Variants in SIRPG observed in about 807,000 individuals in gnomAD.
SIRPG encodes the protein signal-regulatory protein gamma.
In SIRPG, 38 loss-of-function variants were observed where a neutral mutation model predicts 35.7. The observed-to-expected ratio is 1.06, with a 90% CI of 0.82 to 1.40. The LOEUF is 1.40. Among genes scored for constraint, SIRPG ranks in the 40% most tolerant of loss-of-function variants. SIRPG has a pLI of 0.00. For missense variants in SIRPG, 519 were observed against 483.0 expected, an observed-to-expected ratio of 1.07 and a Z score of -0.70; for synonymous variants, 215 against 190.4, an observed-to-expected ratio of 1.13 and a Z score of -1.06.
At chr20:1,656,248 T>G (rs936751697) in intron 1 of SIRPG, among the ~76,000 whole-genome samples, 2 of 152,224 alleles carry the variant, frequency 1.3e-5, no homozygotes, top group African/African-American at 4.8e-5. Context: ...CTGGTCAACC[T>G]GGACTTGATC....
the SIRPG span, among the ~76,000 whole-genome samples, chr20:1,667,056 G>C: frequency 0.63 from 95,360 of 151,920 alleles, 30,453 homozygotes; most frequent in East Asian, 0.86. Flanking sequence ...ATCACCACAC[G>C]TAGTCAATTT....
chr20:1,634,266 GCA>G lies in SIRPG; in HGVS notation c.1081+999_1081+1000del, dbSNP rs2091773875. Among the ~76,000 whole-genome samples the G allele has an allele frequency of 6.0e-5, 9 of 150,258 alleles. No homozygotes were observed. The East Asian group carries it at 1.8e-3, about 30-fold the overall frequency. On this transcript the variant is annotated intron_variant, in intron 4 of 5. Transcript: ENST00000303415. ...CTGTCGCCCAGGCTGGAGTGCAGTG[GCA>G]TGATCTCGGCTCACTGCAAGCTCCG...
At chr20:1,672,071 G>A in the SIRPG span, among the ~76,000 whole-genome samples, 1 of 152,198 alleles carries the variant, frequency 6.6e-6, no homozygotes, top group Non-Finnish European at 1.5e-5. Context: ...CAATGGTGAA[G>A]TGGTGCCATT....
intron 4 of SIRPG, chr20:1,633,646 C>A (rs1325814002): frequency 6.6e-6 from 1 of 152,186 alleles, no homozygotes; most frequent in Non-Finnish European, 1.5e-5. Context: ...CCTATATTTA[C>A]TCTTCCAGCA....
intron 4 of SIRPG, 152 bp downstream of exon 4, chr20:1,635,115 A>G: frequency 3.3e-6 from 2 of 613,426 alleles, no homozygotes; most frequent in South Asian, 2.2e-5. Flanking sequence ...CTTACTAGTC[A>G]TGACTCTTCG....
At chr20:1,632,187 C>T (rs890150119) in intron 4 of SIRPG, among the ~76,000 whole-genome samples, 1 of 152,118 alleles carries the variant, frequency 6.6e-6, no homozygotes, top group Non-Finnish European at 1.5e-5. Context: ...TTGCTGGGTA[C>T]AATTGCAGCA....
At chr20:1,683,963 C>G in the SIRPG span, among the ~76,000 whole-genome samples, 1 of 129,618 alleles carries the variant, frequency 7.7e-6, no homozygotes, top group Non-Finnish European at 1.8e-5. Flanking sequence ...GGGTGAAACA[C>G]CGTCTCAAAA....
At chr20:1,632,718 G>A (rs1038929098) in intron 4 of SIRPG, among the ~76,000 whole-genome samples, 2 of 152,202 alleles carry the variant, frequency 1.3e-5, no homozygotes. Flanking sequence ...CTGAGGGACA[G>A]CCCTGCAGCC....
chr20:1,669,663 A>G, the SIRPG span, among the ~76,000 whole-genome samples: 1 of 152,186 alleles, frequency 6.6e-6, no homozygotes, highest in South Asian at 2.1e-4. Context: ...GGCAAAACAC[A>G]GGACTCCATG....
In SIRPG at chr20:1,649,083, C is replaced by T; in HGVS notation, c.399G>A (p.Lys133=). ...AAGCCATCTCAGTGCCTGGTCCAGA[C>T]TTAAACTCCACGTTCTCAGGGCTCC... ...RKGSPENVEF[K]SGPGTEMALG... The change falls in exon 2 of 6, where the codon AAG becomes AAA. Residue 133 remains lysine, a synonymous_variant. Transcript: ENST00000303415. 6.2e-7 allele frequency: 1 copy of T among 1,613,920 alleles called. No homozygotes were observed. The highest frequency in any genetic ancestry group is 8.5e-7 in the Non-Finnish European group (1 of 1,179,842).
chr20:1,682,434 G>T, the SIRPG span, among the ~76,000 whole-genome samples: 2 of 151,864 alleles, frequency 1.3e-5, no homozygotes, highest in African/African-American at 2.4e-5. Context: ...CTCAACACAG[G>T]CCCCAAAAAT....
At chr20:1,679,204 G>T in the SIRPG span, among the ~76,000 whole-genome samples, 1 of 152,194 alleles carries the variant, frequency 6.6e-6, no homozygotes, top group Admixed American at 6.5e-5. Context: ...GCTAAAAGGA[G>T]TGCTTTGGGT....
the SIRPG span, among the ~76,000 whole-genome samples, chr20:1,676,171 C>G: frequency 2.0e-5 from 3 of 152,074 alleles, no homozygotes; most frequent in Non-Finnish European, 4.4e-5. Flanking sequence ...GGATAAAGCC[C>G]CCTTCTCCAT....
Position 1,636,289 on chromosome 20 carries a change from T to A in SIRPG, c.647A>T (p.Asp216Val), listed in dbSNP as rs761896989. The change falls in exon 3 of 6, where the codon GAC (aspartate) becomes GTC (valine). Residue 216 changes from aspartate to valine, a missense_variant. Physicochemically the swap from Asp to Val is radical, Grantham distance 152. Coordinates refer to ENST00000303415, the MANE Select transcript of SIRPG (RefSeq NM_018556.4). ...SIRSTARVVLDPWDVRSQVIC... is the reference protein window; with the variant it reads ...SIRSTARVVLVPWDVRSQVIC... ...GACCTGAGAGCGAACGTCCCAGGGG[T>A]CCAGTACCACCCTGGCTGTGCTGCG... The A allele has an allele frequency of 6.2e-7, 1 of 1,614,164 alleles. No individual in the cohort carries two copies. The highest frequency in any genetic ancestry group is 1.1e-5 in the South Asian group (1 of 91,082).
At chr20:1,674,226 T>C in the SIRPG span, among the ~76,000 whole-genome samples, 2 of 151,826 alleles carry the variant, frequency 1.3e-5, no homozygotes, top group African/African-American at 4.8e-5. Context: ...AATTTTTTTT[T>C]TTCAAATTTC....
In SIRPG at chr20:1,636,472, G is replaced by T. The variant is rs1290175888; in HGVS notation, c.464C>A (p.Ala155Glu). 1.2e-6 allele frequency: 2 copies of T among 1,614,088 alleles called. No homozygotes were observed. The highest frequency in any genetic ancestry group is 1.7e-6 in the Non-Finnish European group (2 of 1,180,042). The part of the protein sequence containing the change: ...KPSAPVVLGP[A>E]ARTTPEHTVS... Reference sequence around the variant, plus strand: ...TGTATGCTCAGGTGTGGTCCTCGCCGCAGGGCCCAATACCACGGGGGCAGA... The same window carrying T: ...TGTATGCTCAGGTGTGGTCCTCGCCTCAGGGCCCAATACCACGGGGGCAGA... Residue 155 changes from alanine (A) to glutamate (E), a missense_variant, in exon 3 of 6, where the codon GCG becomes GAG. Coordinates refer to ENST00000303415, the MANE Select transcript of SIRPG (RefSeq NM_018556.4).
chr20:1,663,780 A>G, the SIRPG span, among the ~76,000 whole-genome samples: 3 of 152,264 alleles, frequency 2.0e-5, no homozygotes, highest in Non-Finnish European at 4.4e-5. Context: ...CAGGGTTAGG[A>G]AAGTTGCAGA....
In SIRPG at chr20:1,636,288, G is replaced by A. The variant is rs768885801; in HGVS notation, c.648C>T (p.Asp216=). ...SIRSTARVVL[D]PWDVRSQVIC... ...TGACCTGAGAGCGAACGTCCCAGGG[G>A]TCCAGTACCACCCTGGCTGTGCTGC... Residue 216 remains aspartate (D), a synonymous_variant, in exon 3 of 6, where the codon GAC becomes GAT. Coordinates refer to ENST00000303415, the MANE Select transcript of SIRPG (RefSeq NM_018556.4). 4 of 1,614,238 alleles carry A rather than the reference G, an allele frequency of 2.5e-6. No homozygotes were observed. Among genetic ancestry groups the A allele is most frequent in the Non-Finnish European group, 8.5e-7 (1 of 1,180,038 alleles).
chr20:1,637,520 C>T (rs2091813405), intron 2 of SIRPG: 1 of 156,784 alleles, frequency 6.4e-6, no homozygotes, highest in Admixed American at 6.5e-5. Flanking sequence ...GGACACTGTT[C>T]AGGACTACCA....
Sources: allele counts gnomAD v4.1 joint callset (sites outside exome capture counted in the v4.1 genomes callset), GRCh38; gene constraint gnomAD v4.1.1; transcripts MANE v1.5; gene names NCBI Gene and HGNC (gene_info 2026-07-23, HGNC 2026-07-21).